The following MDGA2 variants were observed in gnomAD, a reference collection of about 807,000 sequenced individuals.
MDGA2 encodes MAM domain containing glycosylphosphatidylinositol anchor 2, also known as MAM domain-containing glycosylphosphatidylinositol anchor protein 2.
In MDGA2, 40 loss-of-function variants were observed where a neutral mutation model predicts 117.8. The observed-to-expected ratio is 0.34, with a 90% CI of 0.26 to 0.44. MDGA2 has a LOEUF of 0.44. Among genes scored for constraint, MDGA2 ranks in the 20% least tolerant of loss-of-function variants. The pLI, the probability that MDGA2 is intolerant of heterozygous loss-of-function variation, is 1.00. For missense variants in MDGA2, 1,123 were observed against 1,250.6 expected (o/e 0.90, Z 1.54); for synonymous variants, 452 against 439.0 (o/e 1.03, Z -0.37).
intron 3 of MDGA2, among the ~76,000 whole-genome samples, chr14:47,145,190 A>T (rs190054940): frequency 6.6e-6 from 1 of 152,226 alleles, no homozygotes; most frequent in Admixed American, 6.5e-5. Flanking sequence ...GTCATTTTGC[A>T]TGTATCCTAA....
At chr14:47,438,768 G>A (rs763019550) in intron 1 of MDGA2, among the ~76,000 whole-genome samples, 10 of 152,042 alleles carry the variant, frequency 6.6e-5, no homozygotes, top group Non-Finnish European at 1.3e-4. Context: ...AGAAAAAACT[G>A]GCACAAATGC....
At chr14:47,103,077 A>G (rs1880434806) in intron 5 of MDGA2, among the ~76,000 whole-genome samples, 1 of 152,206 alleles carries the variant, frequency 6.6e-6, no homozygotes, top group South Asian at 2.1e-4. Context: ...GCACAGTATG[A>G]ATTTAAGAGA....
At chr14:47,164,994 T>C (rs1274006728) in intron 3 of MDGA2, among the ~76,000 whole-genome samples, 2 of 151,884 alleles carry the variant, frequency 1.3e-5, no homozygotes, top group Non-Finnish European at 2.9e-5. Flanking sequence ...AGCAAACTAT[T>C]GCAAGGACGA....
At chr14:46,848,414 A>AAC (rs1880928490) in intron 15 of MDGA2, among the ~76,000 whole-genome samples, 1 of 151,952 alleles carries the variant, frequency 6.6e-6, no homozygotes, top group Admixed American at 6.6e-5. Flanking sequence ...TCAAAACTAA[A>AAC]ACATACATGT....
chr14:46,853,883 T>C (rs1347041790), intron 15 of MDGA2, among the ~76,000 whole-genome samples: 1 of 151,890 alleles, frequency 6.6e-6, no homozygotes, highest in Non-Finnish European at 1.5e-5. Context: ...CTTCCCAGTT[T>C]AATTTAGTTT....
chr14:47,636,713 A>G (rs969833528), intron 1 of MDGA2, among the ~76,000 whole-genome samples: 69 of 138,722 alleles, frequency 5.0e-4, no homozygotes, highest in African/African-American at 1.8e-3. Context: ...TGAACCCAGG[A>G]GACGAAGGTT....
intron 8 of MDGA2, among the ~76,000 whole-genome samples, chr14:47,031,594 A>T (rs991321186): frequency 3.3e-5 from 5 of 152,264 alleles, no homozygotes; most frequent in Admixed American, 6.5e-5. Context: ...AACAGCTGAT[A>T]TGGTTTGGAT....
At chr14:47,611,969 G>C (rs754245016) in intron 1 of MDGA2, among the ~76,000 whole-genome samples, 7 of 152,166 alleles carry the variant, frequency 4.6e-5, no homozygotes, top group Non-Finnish European at 1.0e-4. Flanking sequence ...CTTTCCAAGA[G>C]TGGAAAGTTG....
At chr14:47,628,381 C>T (rs1897190747) in intron 1 of MDGA2, among the ~76,000 whole-genome samples, 1 of 152,292 alleles carries the variant, frequency 6.6e-6, no homozygotes, top group East Asian at 1.9e-4. Flanking sequence ...TTTTGTTCAC[C>T]ACCCTAAACT....
intron 1 of MDGA2, among the ~76,000 whole-genome samples, chr14:47,422,940 T>TA (rs753102188): frequency 7.9e-5 from 12 of 152,320 alleles, no homozygotes; most frequent in South Asian, 4.1e-4. Flanking sequence ...GATAGGTAGA[T>TA]AGATATTCAG....
chr14:47,556,723 A>G (rs758881959), intron 1 of MDGA2, among the ~76,000 whole-genome samples: 7 of 152,254 alleles, frequency 4.6e-5, no homozygotes, highest in Non-Finnish European at 1.0e-4. Flanking sequence ...TGCCTGGCAT[A>G]TAATACAAGC....
intron 8 of MDGA2, among the ~76,000 whole-genome samples, chr14:47,009,711 A>G (rs1045043525): frequency 1.3e-5 from 2 of 152,056 alleles, no homozygotes; most frequent in African/African-American, 4.8e-5. Context: ...GGACATACTT[A>G]CTGAATCAGA....
chr14:47,326,926 C>T (rs746600782), intron 1 of MDGA2, among the ~76,000 whole-genome samples: 3 of 152,122 alleles, frequency 2.0e-5, no homozygotes, highest in Admixed American at 1.3e-4. Flanking sequence ...AGATAGCACA[C>T]TCAAAATCAT....
intron 2 of MDGA2, among the ~76,000 whole-genome samples, chr14:47,263,873 A>C (rs1433353580): frequency 2.6e-5 from 4 of 152,168 alleles, no homozygotes; most frequent in Non-Finnish European, 4.4e-5. Flanking sequence ...AAAAATAACA[A>C]TTGAACTCTA....
intron 1 of MDGA2, among the ~76,000 whole-genome samples, chr14:47,570,878 T>C (rs1896006309): frequency 6.6e-6 from 1 of 151,904 alleles, no homozygotes; most frequent in East Asian, 1.9e-4. Flanking sequence ...ACAAAAGCAA[T>C]GGGAACAAAA....
chr14:47,298,263 T>A (rs1202412653), intron 2 of MDGA2, among the ~76,000 whole-genome samples: 1 of 152,050 alleles, frequency 6.6e-6, no homozygotes, highest in Non-Finnish European at 1.5e-5. Context: ...CGTACTGACC[T>A]CTCCTTCACT....
At chr14:47,469,631 T>C (rs1006031745) in intron 1 of MDGA2, among the ~76,000 whole-genome samples, 2 of 152,112 alleles carry the variant, frequency 1.3e-5, no homozygotes, top group African/African-American at 4.8e-5. Flanking sequence ...CATGTGTCTT[T>C]ATAGCAGCAT....
At chr14:47,299,874 T>G (rs1176327458) in intron 2 of MDGA2, among the ~76,000 whole-genome samples, 1 of 152,328 alleles carries the variant, frequency 6.6e-6, no homozygotes, top group East Asian at 1.9e-4. Flanking sequence ...ATAGCAAATG[T>G]TATACTTTGA....
chr14:47,253,036 C>T (rs773387911), intron 2 of MDGA2, among the ~76,000 whole-genome samples: 4 of 152,148 alleles, frequency 2.6e-5, no homozygotes, highest in Non-Finnish European at 5.9e-5. Flanking sequence ...AAAGAACTTA[C>T]TATCATGAGA....
Sources: allele counts gnomAD v4.1 joint callset (sites outside exome capture counted in the v4.1 genomes callset), GRCh38; gene constraint gnomAD v4.1.1; transcripts MANE v1.5; gene names NCBI Gene and HGNC (gene_info 2026-07-23, HGNC 2026-07-21).